RAB3C: variants seen among roughly 807,000 people sequenced by gnomAD.
RAB3C encodes the protein RAB3C, member RAS oncogene family, also known as ras-related protein Rab-3C.
In RAB3C, 17 loss-of-function variants were observed where a neutral mutation model predicts 26.4. That is an observed-to-expected ratio of 0.64 (90% confidence interval 0.44 to 0.97). RAB3C has a LOEUF of 0.97. Among genes scored for constraint, RAB3C ranks in the 50% least tolerant of loss-of-function variants. RAB3C has a pLI of 0.00. For missense variants in RAB3C, 242 were observed against 281.9 expected, an observed-to-expected ratio of 0.86 and a Z score of 1.01; for synonymous variants, 91 against 95.9, an observed-to-expected ratio of 0.95 and a Z score of 0.30.
chr5:58,725,430 G>A (rs1195089853), intron 2 of RAB3C, among the ~76,000 whole-genome samples: 1 of 151,638 alleles, frequency 6.6e-6, no homozygotes, highest in African/African-American at 2.4e-5. Context: ...AAATCTGTTT[G>A]GTATTCCCTG....
At chr5:58,813,091 A>G (rs1409694064) in intron 3 of RAB3C, among the ~76,000 whole-genome samples, 1 of 152,124 alleles carries the variant, frequency 6.6e-6, no homozygotes, top group Non-Finnish European at 1.5e-5. Context: ...TACCCTTGTA[A>G]GTCTTTATTT....
chr5:58,701,280 C>T (rs777952922), intron 2 of RAB3C, among the ~76,000 whole-genome samples: 3 of 152,178 alleles, frequency 2.0e-5, no homozygotes, highest in Non-Finnish European at 4.4e-5. Flanking sequence ...GAATTACAGG[C>T]GTGAGCTACT....
At chr5:58,816,567 AG>A (rs1475768309) in intron 3 of RAB3C, among the ~76,000 whole-genome samples, 1 of 152,204 alleles carries the variant, frequency 6.6e-6, no homozygotes, top group East Asian at 1.9e-4. Flanking sequence ...AGAAGTGGTA[AG>A]GCCTGGGGGA....
intron 1 of RAB3C, among the ~76,000 whole-genome samples, chr5:58,584,934 T>C (rs2111645330): frequency 6.6e-6 from 1 of 152,230 alleles, no homozygotes; most frequent in Middle Eastern, 3.4e-3. Flanking sequence ...TTATTTTTTG[T>C]GTTCACCAAC....
chr5:58,751,558 A>G (rs1440005715), intron 3 of RAB3C, among the ~76,000 whole-genome samples: 4 of 152,248 alleles, frequency 2.6e-5, no homozygotes, highest in Admixed American at 6.5e-5. Context: ...CCTTGGCTTT[A>G]TAAAGACTGG....
At chr5:58,788,233 T>G (rs1742437839) in intron 3 of RAB3C, 1 of 152,260 alleles carries the variant, frequency 6.6e-6, no homozygotes, top group South Asian at 2.1e-4. Flanking sequence ...TCTTTCCATA[T>G]AAGGAGTTCA....
chr5:58,822,581 G>A, intron 3 of RAB3C: 1 of 252,178 alleles, frequency 4.0e-6, no homozygotes, highest in Non-Finnish European at 8.0e-6. Context: ...CAAGAGGGTA[G>A]AACTGATTAC....
chr5:58,825,354 C>A (rs376618142), intron 4 of RAB3C, among the ~76,000 whole-genome samples, 192 bp downstream of exon 4: 25 of 152,154 alleles, frequency 1.6e-4, no homozygotes, highest in East Asian at 1.4e-3. Flanking sequence ...AGAGCTCAAG[C>A]GCAATTACAG....
In RAB3C at chr5:58,668,537, A is replaced by G. The variant is rs537552004; in HGVS notation, c.252+50667A>G. ...CATGAGTCCCACAGCCTAGTCCCCT[A>G]TATGGAGATCACAGAGTTTTCAAAT... On this transcript the variant is annotated intron_variant, in intron 2 of 4. Transcript: ENST00000282878. Among the ~76,000 whole-genome samples, 16 of 152,302 alleles carry G rather than the reference A, an allele frequency of 1.1e-4. No individual in the cohort carries two copies. The South Asian group carries it at 2.7e-3, about 26-fold the overall frequency.
chr5:58,605,200 A>T (rs756097045), intron 1 of RAB3C, among the ~76,000 whole-genome samples: 3 of 152,240 alleles, frequency 2.0e-5, no homozygotes, highest in Middle Eastern at 3.4e-3. Flanking sequence ...GTCTGCTTCC[A>T]TCAGAGGGTC....
chr5:58,748,024 G>A (rs965589395), intron 3 of RAB3C, among the ~76,000 whole-genome samples: 2 of 152,110 alleles, frequency 1.3e-5, no homozygotes, highest in South Asian at 4.2e-4. Context: ...CTGTATGAAT[G>A]GCAGAATGTA....
chr5:58,609,096 G>T (rs190134434), intron 1 of RAB3C, among the ~76,000 whole-genome samples: 1 of 152,128 alleles, frequency 6.6e-6, no homozygotes, highest in Non-Finnish European at 1.5e-5. Flanking sequence ...TGTAAATGAC[G>T]TGTTAATGGG....
chr5:58,762,965 G>A (rs73104332), intron 3 of RAB3C, among the ~76,000 whole-genome samples: 105 of 152,172 alleles, frequency 6.9e-4, no homozygotes, highest in African/African-American at 2.4e-3. Flanking sequence ...TGTTATAACC[G>A]GTTCAAAAGA....
At chr5:58,628,156 CA>C (rs58277302) in intron 2 of RAB3C, among the ~76,000 whole-genome samples, 6,637 of 71,202 alleles carry the variant, frequency 0.093, 48 homozygotes, top group Middle Eastern at 0.13. Flanking sequence ...GACTCCGTCT[CA>C]AAAAAAAAAA....
chr5:58,850,237 G>A (rs1402245562), intron 4 of RAB3C, among the ~76,000 whole-genome samples: 1 of 152,226 alleles, frequency 6.6e-6, no homozygotes, highest in African/African-American at 2.4e-5. Flanking sequence ...AGGTGAAAGT[G>A]TGAAACTGTT....
chr5:58,825,203 CTTA>C (rs962246603), intron 4 of RAB3C, 41 bp downstream of exon 4: 1 of 1,581,396 alleles, frequency 6.3e-7, no homozygotes, highest in African/African-American at 1.4e-5. Context: ...AGATAATTTG[CTTA>C]TTATATGTAA....
intron 3 of RAB3C, among the ~76,000 whole-genome samples, chr5:58,745,899 C>T (rs1186255779): frequency 6.6e-6 from 1 of 152,152 alleles, no homozygotes; most frequent in Non-Finnish European, 1.5e-5. Context: ...TACTTAGGCA[C>T]TTAATTAATA....
intron 3 of RAB3C, among the ~76,000 whole-genome samples, chr5:58,773,923 A>G (rs1406025734): frequency 6.6e-6 from 1 of 152,120 alleles, no homozygotes; most frequent in East Asian, 1.9e-4. Flanking sequence ...GGACAACCTC[A>G]GCTGGGCTCT....
intron 3 of RAB3C, among the ~76,000 whole-genome samples, chr5:58,809,851 C>T (rs1195914313): frequency 1.3e-5 from 2 of 152,220 alleles, no homozygotes; most frequent in Non-Finnish European, 2.9e-5. Flanking sequence ...TTGCTTAAGC[C>T]ACCCAGTCTA....
Sources: allele counts gnomAD v4.1 joint callset (sites outside exome capture counted in the v4.1 genomes callset), GRCh38; gene constraint gnomAD v4.1.1; transcripts MANE v1.5; gene names NCBI Gene and HGNC (gene_info 2026-07-23, HGNC 2026-07-21).